Variants in MAGI1 observed in about 807,000 individuals in gnomAD.
MAGI1 encodes membrane-associated guanylate kinase, WW and PDZ domain-containing protein 1.
Under a neutral mutation model 139.9 loss-of-function variants are expected in MAGI1, and 58 were observed. The ratio of observed to expected loss-of-function variants is 0.41; its 90% CI spans 0.34 to 0.52. The LOEUF is 0.52. Ranked by LOEUF, MAGI1 falls within the 20% of genes least tolerant of loss-of-function variation. The pLI is 0.12. For missense variants in MAGI1, 1,874 were observed against 1,901.6 expected, an observed-to-expected ratio of 0.99 and a Z score of 0.27; for synonymous variants, 812 against 737.9, an observed-to-expected ratio of 1.10 and a Z score of -1.63.
intron 18 of MAGI1, 82 bp from the exon 19 acceptor site, chr3:65,365,028 T>A (rs1941276408): frequency 9.6e-7 from 1 of 1,043,010 alleles, no homozygotes; most frequent in Non-Finnish European, 1.5e-6. Context: ...AAGCCCTGTA[T>A]CTGAATAACA....
At chr3:65,877,702 C>G (rs2060169864) in intron 1 of MAGI1, among the ~76,000 whole-genome samples, 3 of 152,180 alleles carry the variant, frequency 2.0e-5, no homozygotes, top group African/African-American at 7.2e-5. Flanking sequence ...ATTACAGACA[C>G]CCACCATCAT....
chr3:66,031,275 T>A (rs966168892), intron 1 of MAGI1, among the ~76,000 whole-genome samples: 6 of 152,352 alleles, frequency 3.9e-5, no homozygotes, highest in Admixed American at 3.9e-4. Flanking sequence ...AAAGGGCCAC[T>A]AACACCAGAG....
At chr3:65,687,502 T>A in intron 1 of MAGI1, 1 of 382,918 alleles carries the variant, frequency 2.6e-6, no homozygotes, top group Admixed American at 3.5e-5. Flanking sequence ...CAGCTCCTGA[T>A]TCTGCTGAGC....
At chr3:65,928,208 C>T (rs2062618314) in intron 1 of MAGI1, among the ~76,000 whole-genome samples, 1 of 152,166 alleles carries the variant, frequency 6.6e-6, no homozygotes, top group South Asian at 2.1e-4. Context: ...CAACTGTGTG[C>T]AACTCCTCCC....
intron 1 of MAGI1, among the ~76,000 whole-genome samples, chr3:65,708,064 T>C (rs1193142345): frequency 6.6e-6 from 1 of 152,204 alleles, no homozygotes; most frequent in Non-Finnish European, 1.5e-5. Context: ...ATGTCCTATT[T>C]ACCAAAATAA....
chr3:65,367,553 T>C (rs11715156), intron 18 of MAGI1, among the ~76,000 whole-genome samples: 5,198 of 152,272 alleles, frequency 0.034, 129 homozygotes, highest in South Asian at 0.049. Context: ...TTAAGGATGG[T>C]TTAAACGTGC....
intron 1 of MAGI1, among the ~76,000 whole-genome samples, chr3:65,830,293 C>T (rs142860225): frequency 6.6e-6 from 1 of 150,834 alleles, no homozygotes; most frequent in African/African-American, 2.4e-5. Flanking sequence ...ATGCTAAAAC[C>T]ACACCTGGGG....
chr3:65,433,484 C>A (rs998961728), intron 10 of MAGI1, among the ~76,000 whole-genome samples: 13 of 152,050 alleles, frequency 8.5e-5, no homozygotes, highest in African/African-American at 3.1e-4. Flanking sequence ...TTATTTTTTA[C>A]GTATGGGTGG....
At chr3:65,597,875 C>T (rs1198805420) in intron 2 of MAGI1, 3 of 456,266 alleles carry the variant, frequency 6.6e-6, no homozygotes, top group South Asian at 3.1e-5. Context: ...GAAACCGCCT[C>T]CCACCACGCT....
intron 20 of MAGI1, among the ~76,000 whole-genome samples, chr3:65,364,061 C>T (rs1192959591): frequency 6.7e-6 from 1 of 149,938 alleles, no homozygotes; most frequent in Non-Finnish European, 1.5e-5. Flanking sequence ...AAGAACCCAG[C>T]TGGGGACTTG....
intron 1 of MAGI1, among the ~76,000 whole-genome samples, chr3:65,846,652 G>T (rs192716436): frequency 1.3e-5 from 2 of 152,142 alleles, no homozygotes; most frequent in African/African-American, 4.8e-5. Flanking sequence ...CTTTCGCCTT[G>T]TAACAGTTCT....
At chr3:65,950,390 C>T (rs1006887533) in intron 1 of MAGI1, among the ~76,000 whole-genome samples, 1 of 152,096 alleles carries the variant, frequency 6.6e-6, no homozygotes, top group African/African-American at 2.4e-5. Context: ...CATAGATCTG[C>T]ATATTCTCCC....
chr3:65,470,112 T>C (rs1950470084), intron 5 of MAGI1, 171 bp downstream of exon 5: 1 of 559,638 alleles, frequency 1.8e-6, no homozygotes, highest in Non-Finnish European at 3.1e-6. Context: ...AATCGATAAG[T>C]TGGTAATAAT....
At chr3:65,667,481 G>T (rs2086602317) in intron 1 of MAGI1, among the ~76,000 whole-genome samples, 1 of 152,218 alleles carries the variant, frequency 6.6e-6, no homozygotes, top group Admixed American at 6.5e-5. Context: ...GGGAAGGAAT[G>T]CCTGCGTGTG....
At chr3:65,410,665 C>T (rs1017609560) in intron 12 of MAGI1, among the ~76,000 whole-genome samples, 3 of 152,208 alleles carry the variant, frequency 2.0e-5, no homozygotes, top group Non-Finnish European at 4.4e-5. Context: ...TTTGGGAAGA[C>T]AGTTCTTTTC....
At chr3:65,756,379 A>G (rs2036567717) in intron 1 of MAGI1, among the ~76,000 whole-genome samples, 1 of 152,242 alleles carries the variant, frequency 6.6e-6, no homozygotes, top group African/African-American at 2.4e-5. Flanking sequence ...AGAAGCTGCA[A>G]GATTTCGGTA....
chr3:65,881,009 G>A (rs2060306604), intron 1 of MAGI1, among the ~76,000 whole-genome samples: 2 of 151,902 alleles, frequency 1.3e-5, no homozygotes, highest in African/African-American at 4.8e-5. Context: ...CCGGGCTCAA[G>A]CGATCTTCCC....
chr3:65,558,825 A>G (rs1280129115), intron 2 of MAGI1, among the ~76,000 whole-genome samples: 3 of 152,240 alleles, frequency 2.0e-5, no homozygotes, highest in Non-Finnish European at 4.4e-5. Context: ...ATAAAAGCTC[A>G]TATGTCACCT....
At position 65,434,634 on chromosome 3, in the gene MAGI1, A is replaced by T. The variant is rs181244273; in HGVS notation, c.1363+2521T>A. On this transcript the variant is annotated intron_variant, in intron 10 of 22. Transcript: ENST00000402939. ...CAAGACACTAGACACTAGATGGCTA[A>T]TCAAGACACTTAACCGGTAGGCAGG... 3.4e-3 allele frequency among the ~76,000 whole-genome samples: 525 copies of T among 152,316 alleles called. 14 individuals are homozygous for T. In the South Asian group the frequency reaches 0.049, roughly 14 times the overall value.
Sources: allele counts gnomAD v4.1 joint callset (sites outside exome capture counted in the v4.1 genomes callset), GRCh38; gene constraint gnomAD v4.1.1; transcripts MANE v1.5; gene names NCBI Gene and HGNC (gene_info 2026-07-23, HGNC 2026-07-21).